Variants in GRIK2 observed in about 807,000 individuals in gnomAD.
GRIK2 encodes glutamate receptor ionotropic, kainate 2.
A neutral mutation model predicts 100.3 loss-of-function variants in GRIK2; 32 were observed. The ratio of observed to expected loss-of-function variants is 0.32; its 90% CI spans 0.24 to 0.43. GRIK2 has a LOEUF of 0.43. GRIK2 is among the 20% of genes least tolerant of loss of function. The pLI is 1.00. For synonymous variants in GRIK2, 417 were observed against 389.4 expected, an observed-to-expected ratio of 1.07 and a Z score of -0.83; for missense variants, 843 against 1,114.9, an observed-to-expected ratio of 0.76 and a Z score of 3.47.
At chr6:101,573,007 C>T (rs572272639) in intron 2 of GRIK2, among the ~76,000 whole-genome samples, 31 of 151,522 alleles carry the variant, frequency 2.0e-4, no homozygotes, top group African/African-American at 1.9e-4. Context: ...CCACCATTCC[C>T]GGCTTATTTT....
At chr6:101,464,498 T>C (rs1413423524) in intron 2 of GRIK2, among the ~76,000 whole-genome samples, 42 of 2,070 alleles carry the variant, frequency 0.02, no homozygotes, top group African/African-American at 0.088. Context: ...TTTTTCTTTC[T>C]TTTTTTTTTT....
At chr6:101,943,332 G>C (rs1578289) in intron 14 of GRIK2, among the ~76,000 whole-genome samples, 6,445 of 152,278 alleles carry the variant, frequency 0.042, 467 homozygotes, top group African/African-American at 0.15. Flanking sequence ...AAAACCTGCA[G>C]TAGGTGTGGA....
intron 4 of GRIK2, among the ~76,000 whole-genome samples, chr6:101,648,372 G>T (rs1781626471): frequency 1.3e-5 from 2 of 152,036 alleles, no homozygotes; most frequent in South Asian, 4.1e-4. Context: ...TACACCAAAA[G>T]TGATATAAAC....
intron 2 of GRIK2, among the ~76,000 whole-genome samples, chr6:101,545,273 T>A (rs1003682287): frequency 6.6e-6 from 1 of 152,180 alleles, no homozygotes; most frequent in Non-Finnish European, 1.5e-5. Context: ...CCGAGGTGTA[T>A]AGAAAGCTGT....
At chr6:101,568,887 A>G (rs1205736769) in intron 2 of GRIK2, among the ~76,000 whole-genome samples, 1 of 151,064 alleles carries the variant, frequency 6.6e-6, no homozygotes, top group African/African-American at 2.4e-5. Context: ...ACATTATTCT[A>G]CAGCAATGGA....
At chr6:101,601,004 A>C (rs1447746208) in intron 2 of GRIK2, among the ~76,000 whole-genome samples, 1 of 151,642 alleles carries the variant, frequency 6.6e-6, no homozygotes, top group Non-Finnish European at 1.5e-5. Context: ...TGTCTTCTTC[A>C]GTTCTTATGG....
At chr6:102,030,505 C>A (rs143615669) in intron 14 of GRIK2, among the ~76,000 whole-genome samples, 1 of 151,066 alleles carries the variant, frequency 6.6e-6, no homozygotes, top group Admixed American at 6.6e-5. Context: ...AGCTTCACTC[C>A]CCTCAATTAG....
intron 2 of GRIK2, among the ~76,000 whole-genome samples, chr6:101,415,365 C>CT (rs55751504): frequency 0.015 from 1,532 of 100,754 alleles, 14 homozygotes; most frequent in Non-Finnish European, 0.019. Flanking sequence ...TTTTCCATAA[C>CT]TTTTTTTTTT....
chr6:101,474,650 A>G (rs1772133255), intron 2 of GRIK2, among the ~76,000 whole-genome samples: 1 of 151,848 alleles, frequency 6.6e-6, no homozygotes, highest in Non-Finnish European at 1.5e-5. Context: ...TTTATTTAGT[A>G]TTCATACTAA....
chr6:101,960,226 TA>T (rs1234120027), intron 14 of GRIK2, among the ~76,000 whole-genome samples: 12 of 147,078 alleles, frequency 8.2e-5, no homozygotes, highest in Admixed American at 4.6e-4. Flanking sequence ...TAATAATTTT[TA>T]ATTAACATCC....
intron 2 of GRIK2, among the ~76,000 whole-genome samples, chr6:101,401,907 G>A (rs947931761): frequency 6.6e-6 from 1 of 152,162 alleles, no homozygotes; most frequent in Admixed American, 6.5e-5. Flanking sequence ...AGCATCCAGT[G>A]TCCCTTCCAT....
intron 10 of GRIK2, among the ~76,000 whole-genome samples, chr6:101,826,992 A>G (rs1316153353): frequency 6.6e-6 from 1 of 152,024 alleles, no homozygotes; most frequent in East Asian, 1.9e-4. Context: ...TACAATTTCC[A>G]GTAAGTAAAT....
chr6:101,795,670 G>A (rs1780251623), intron 7 of GRIK2, among the ~76,000 whole-genome samples: 1 of 152,236 alleles, frequency 6.6e-6, no homozygotes, highest in Admixed American at 6.5e-5. Context: ...TGCAGTGCCT[G>A]CAACAGGCTG....
At chr6:101,826,119 A>G (rs953595409) in intron 10 of GRIK2, among the ~76,000 whole-genome samples, 2 of 152,126 alleles carry the variant, frequency 1.3e-5, no homozygotes, top group Admixed American at 6.5e-5. Context: ...TTTAAAACCC[A>G]TACTCACAAT....
chr6:101,459,444 C>T (rs1771181379), intron 2 of GRIK2, among the ~76,000 whole-genome samples: 3 of 152,174 alleles, frequency 2.0e-5, no homozygotes, highest in African/African-American at 7.2e-5. Context: ...ACTGAGATTG[C>T]TTTCCCAGTC....
chr6:101,657,086 T>C (rs548339405), intron 4 of GRIK2, among the ~76,000 whole-genome samples: 6 of 152,300 alleles, frequency 3.9e-5, no homozygotes, highest in African/African-American at 1.4e-4. Flanking sequence ...GTGGATAAAA[T>C]ACACACTATC....
intron 2 of GRIK2, among the ~76,000 whole-genome samples, chr6:101,457,399 T>C (rs1176593998): frequency 6.6e-6 from 1 of 152,178 alleles, no homozygotes; most frequent in Non-Finnish European, 1.5e-5. Flanking sequence ...TATGACAGGA[T>C]GATACCAAAT....
At chr6:101,989,540 A>G (rs1318255820) in intron 14 of GRIK2, among the ~76,000 whole-genome samples, 1 of 76,590 alleles carries the variant, frequency 1.3e-5, no homozygotes, top group Non-Finnish European at 2.9e-5. Flanking sequence ...GCAAATGAAA[A>G]GCAGAAAAAT....
At chr6:101,476,255 A>G (rs1395107048) in intron 2 of GRIK2, among the ~76,000 whole-genome samples, 1 of 152,120 alleles carries the variant, frequency 6.6e-6, no homozygotes, top group Admixed American at 6.6e-5. Flanking sequence ...ATGTGGCTGT[A>G]TTGTCTTCAC....
Sources: gnomAD v4.1 joint callset for allele counts (sites outside exome capture counted in the v4.1 genomes callset) on GRCh38, gnomAD v4.1.1 for gene constraint, MANE v1.5 for transcripts, NCBI Gene and HGNC (gene_info 2026-07-23, HGNC 2026-07-21) for gene names.